The following OLFM3 variants were observed in gnomAD, a reference collection of about 807,000 sequenced individuals.
The protein encoded by OLFM3 is olfactomedin 3, also known as noelin-3.
Under a neutral mutation model 48.6 loss-of-function variants are expected in OLFM3, and 20 were observed. The ratio of observed to expected loss-of-function variants is 0.41; its 90% confidence interval spans 0.29 to 0.60. OLFM3 has a LOEUF of 0.60. Among genes scored for constraint, OLFM3 ranks in the 20% least tolerant of loss-of-function variants. The pLI is 0.28. For missense variants in OLFM3, 437 were observed against 544.3 expected (o/e 0.80, Z 1.96); for synonymous variants, 222 against 198.1 (o/e 1.12, Z -1.01).
chr1:101,980,089 A>C (rs1661066855), intron 1 of OLFM3, among the ~76,000 whole-genome samples: 1 of 152,156 alleles, frequency 6.6e-6, no homozygotes, highest in Non-Finnish European at 1.5e-5. Context: ...GAATGGGAGA[A>C]TTTATCCAAT....
chr1:101,923,148 C>T (rs902686173), intron 1 of OLFM3, among the ~76,000 whole-genome samples: 2 of 152,148 alleles, frequency 1.3e-5, no homozygotes, highest in African/African-American at 4.8e-5. Context: ...GCAGACAATG[C>T]CCTTTATTTC....
chr1:101,877,278 A>G (rs1208686461), intron 1 of OLFM3, among the ~76,000 whole-genome samples: 2 of 151,960 alleles, frequency 1.3e-5, no homozygotes, highest in African/African-American at 4.8e-5. Flanking sequence ...ATCAGTATAT[A>G]TCAGGATAAC....
intron 1 of OLFM3, among the ~76,000 whole-genome samples, chr1:101,852,924 C>A (rs1557703026): frequency 6.6e-6 from 1 of 152,102 alleles, no homozygotes; most frequent in African/African-American, 2.4e-5. Flanking sequence ...TCCCAGCTGC[C>A]ACTGTGCTGC....
intron 1 of OLFM3, among the ~76,000 whole-genome samples, chr1:101,929,030 T>C (rs1659364694): frequency 6.6e-6 from 1 of 152,106 alleles, no homozygotes; most frequent in African/African-American, 2.4e-5. Context: ...TGATGAAAAT[T>C]AGAGTACAAC....
intron 1 of OLFM3, among the ~76,000 whole-genome samples, chr1:101,977,489 G>A (rs886597332): frequency 1.3e-5 from 2 of 152,056 alleles, no homozygotes; most frequent in Admixed American, 6.6e-5. Context: ...ACATGTGCTC[G>A]GCAAAGATTT....
At chr1:101,915,207 T>G (rs1658882425) in intron 1 of OLFM3, among the ~76,000 whole-genome samples, 1 of 152,152 alleles carries the variant, frequency 6.6e-6, no homozygotes, top group East Asian at 1.9e-4. Flanking sequence ...TCATGTATAA[T>G]TGGGCCATTA....
intron 1 of OLFM3, among the ~76,000 whole-genome samples, chr1:101,873,583 C>G (rs762184861): frequency 1.3e-5 from 2 of 151,584 alleles, no homozygotes; most frequent in African/African-American, 2.4e-5. Flanking sequence ...AATATTGCAA[C>G]TTTTTCATGG....
At chr1:101,903,626 T>C (rs903858790) in intron 1 of OLFM3, among the ~76,000 whole-genome samples, 5 of 152,084 alleles carry the variant, frequency 3.3e-5, no homozygotes, top group Non-Finnish European at 7.4e-5. Context: ...TTGTTTATGA[T>C]TAGTGACACT....
Position 101,806,062 on chromosome 1 carries a change from T to C in OLFM3, c.699+14A>G, listed in dbSNP as rs1376242413. ...ACTTAATTCTAAGCAAAGGTGTTTG[T>C]GGGAGAAACATACTCTGTTGTTTTT... On this transcript the variant is annotated intron_variant, in intron 5 of 5. Transcript: ENST00000370103. 1 of 1,588,272 alleles carries C rather than the reference T, an allele frequency of 6.3e-7. No individual in the cohort carries two copies. The highest frequency in any genetic ancestry group is 1.1e-5 in the South Asian group (1 of 90,490).
intron 1 of OLFM3, among the ~76,000 whole-genome samples, chr1:101,881,096 C>A (rs1657509948): frequency 6.6e-6 from 1 of 151,940 alleles, no homozygotes; most frequent in Admixed American, 6.6e-5. Flanking sequence ...ATATAATCAA[C>A]TTTTGTTTGT....
intron 1 of OLFM3, among the ~76,000 whole-genome samples, chr1:101,913,508 G>C (rs1453294763): frequency 2.0e-5 from 3 of 152,150 alleles, no homozygotes; most frequent in Non-Finnish European, 2.9e-5. Context: ...TGGATTTGCT[G>C]ATTGTGATAT....
intron 1 of OLFM3, among the ~76,000 whole-genome samples, chr1:101,964,633 A>G (rs975155416): frequency 4.6e-5 from 7 of 152,306 alleles, no homozygotes; most frequent in South Asian, 4.1e-4. Flanking sequence ...TATTGTTTAA[A>G]CTATCAAAGT....
chr1:101,876,143 A>G lies in OLFM3; in HGVS notation c.70-39118T>C, dbSNP rs543873944. Among the ~76,000 whole-genome samples the G allele has an allele frequency of 2.8e-4, 43 of 152,064 alleles. No individual in the cohort carries two copies. In the South Asian group the frequency reaches 8.3e-3, roughly 29 times the overall value. On this transcript the variant is annotated intron_variant, in intron 1 of 5. Coordinates refer to ENST00000370103, the MANE Select transcript of OLFM3 (RefSeq NM_058170.4). Reference sequence around the variant, plus strand: ...CTAAGGACCTCTCTGTTTAAAATTTATTTTTCCCTTATACTTAAAATGAAG... The same window carrying G: ...CTAAGGACCTCTCTGTTTAAAATTTGTTTTTCCCTTATACTTAAAATGAAG...
intron 1 of OLFM3, among the ~76,000 whole-genome samples, chr1:101,841,941 G>C (rs907326927): frequency 6.6e-6 from 1 of 152,168 alleles, no homozygotes; most frequent in Non-Finnish European, 1.5e-5. Flanking sequence ...TCTGAAGATA[G>C]GCTTGGTCCC....
intron 1 of OLFM3, among the ~76,000 whole-genome samples, chr1:101,865,297 G>A (rs1240466856): frequency 6.6e-6 from 1 of 152,168 alleles, no homozygotes; most frequent in East Asian, 1.9e-4. Flanking sequence ...ATTGTCATGA[G>A]AGAATATAAT....
intron 1 of OLFM3, among the ~76,000 whole-genome samples, chr1:101,902,522 G>A (rs1404079189): frequency 6.6e-6 from 1 of 151,870 alleles, no homozygotes; most frequent in Non-Finnish European, 1.5e-5. Context: ...GAAACTAAGA[G>A]GAACTAGGAA....
intron 1 of OLFM3, among the ~76,000 whole-genome samples, chr1:101,935,907 C>T (rs1479250508): frequency 6.6e-6 from 1 of 152,054 alleles, no homozygotes; most frequent in African/African-American, 2.4e-5. Flanking sequence ...AAAAGGCTTT[C>T]AATAAAATTC....
intron 1 of OLFM3, among the ~76,000 whole-genome samples, chr1:101,897,872 C>T (rs1252407622): frequency 6.6e-6 from 1 of 152,004 alleles, no homozygotes; most frequent in Admixed American, 6.6e-5. Context: ...ATTAGAAATA[C>T]AGTTTGTAAG....
chr1:101,985,377 C>T (rs1661207243), intron 1 of OLFM3, among the ~76,000 whole-genome samples: 1 of 152,182 alleles, frequency 6.6e-6, no homozygotes, highest in African/African-American at 2.4e-5. Context: ...CTACCACAGT[C>T]AATATACAAT....
Sources: allele counts gnomAD v4.1 joint callset (sites outside exome capture counted in the v4.1 genomes callset), GRCh38; gene constraint gnomAD v4.1.1; transcripts MANE v1.5; gene names NCBI Gene and HGNC (gene_info 2026-07-23, HGNC 2026-07-21).